HSDL1: variants seen among roughly 807,000 people sequenced by gnomAD.
HSDL1 encodes inactive hydroxysteroid dehydrogenase-like protein 1.
A neutral mutation model predicts 31.5 loss-of-function variants in HSDL1; 29 were observed. That is an observed-to-expected ratio of 0.92 (90% CI 0.69 to 1.26). HSDL1 has a LOEUF of 1.26. Ranked by LOEUF, HSDL1 falls within the 50% of genes most tolerant of loss-of-function variation. HSDL1 has a pLI of 0.00. For missense variants in HSDL1, 503 were observed against 416.6 expected (o/e 1.21, Z -1.81); for synonymous variants, 222 against 155.2 (o/e 1.43, Z -3.20).
intron 2 of HSDL1, among the ~76,000 whole-genome samples, chr16:84,131,773 G>C: frequency 6.6e-6 from 1 of 152,044 alleles, no homozygotes; most frequent in East Asian, 1.9e-4. Flanking sequence ...CCGCCCCCTG[G>C]GGTTCACGCC....
intron 2 of HSDL1, among the ~76,000 whole-genome samples, chr16:84,132,455 C>T (rs1198345739): frequency 6.6e-6 from 1 of 152,208 alleles, no homozygotes; most frequent in African/African-American, 2.4e-5. Flanking sequence ...GAGCACTCCT[C>T]CATCTTCTAA....
intron 2 of HSDL1, among the ~76,000 whole-genome samples, chr16:84,134,159 G>A (rs780047048): frequency 1.3e-5 from 2 of 152,038 alleles, no homozygotes; most frequent in Non-Finnish European, 2.9e-5. Flanking sequence ...TTCCAGATCT[G>A]CATGAGAGGA....
rs778964962 is a variant in HSDL1 at position 84,129,517 on chromosome 16, T to C, written c.894+31A>G. ...CTGAGATAGGTTCATGATGCATTAATCTAATTATGAGACCTGAAGCACACT... is the reference window on the plus strand; with the variant it reads ...CTGAGATAGGTTCATGATGCATTAACCTAATTATGAGACCTGAAGCACACT... On this transcript the variant is annotated intron_variant, in intron 5 of 5. Transcript: ENST00000219439. 1.2e-5 allele frequency: 18 copies of C among 1,459,490 alleles called. No homozygotes were observed. In the Admixed American group the frequency reaches 2.7e-4, roughly 22 times the overall value. The allele number at this position is 1,459,490 out of a possible 1,614,324, so 90.4% of individuals were successfully genotyped here. A position where few individuals can be genotyped will look rare whatever the true frequency, so the allele number is the denominator to read the frequency against.
At chr16:84,129,008 C>G (rs2086635443) in intron 5 of HSDL1, among the ~76,000 whole-genome samples, 1 of 152,060 alleles carries the variant, frequency 6.6e-6, no homozygotes, top group Non-Finnish European at 1.5e-5. Context: ...ACACCCCAGC[C>G]AAAGTAGTAT....
chr16:84,124,911 C>CAT (rs1194555099), intron 5 of HSDL1, 183 bp from the exon 6 acceptor site: 7 of 448,444 alleles, frequency 1.6e-5, no homozygotes, highest in Admixed American at 7.5e-5. Context: ...CCACCAATCA[C>CAT]AACAAATACC....
intron 2 of HSDL1, among the ~76,000 whole-genome samples, chr16:84,134,006 C>T (rs1215909294): frequency 1.3e-5 from 2 of 152,174 alleles, no homozygotes; most frequent in East Asian, 3.8e-4. Context: ...TCTAGTTCAA[C>T]AAAGTCTTTC....
chr16:84,134,815 T>G (rs2086698124), intron 2 of HSDL1, among the ~76,000 whole-genome samples: 1 of 152,052 alleles, frequency 6.6e-6, no homozygotes, highest in African/African-American at 2.4e-5. Flanking sequence ...TCAAGCAAAA[T>G]GTAATAAAAT....
At chr16:84,126,823 G>C (rs1182790759) in intron 5 of HSDL1, among the ~76,000 whole-genome samples, 1 of 151,988 alleles carries the variant, frequency 6.6e-6, no homozygotes, top group African/African-American at 2.4e-5. Flanking sequence ...AAACAGCAAA[G>C]GATGAATCAA....
chr16:84,134,175 C>T (rs779270215), intron 2 of HSDL1, among the ~76,000 whole-genome samples: 27 of 152,056 alleles, frequency 1.8e-4, no homozygotes, highest in Admixed American at 6.6e-4. Flanking sequence ...GAGGAAGCCG[C>T]GCCACCACCC....
In HSDL1 at chr16:84,131,315, C is replaced by T. The variant is rs756448806; in HGVS notation, c.7G>A (p.Ala3Thr). ...TACAAGAGGTAGAAACTGTCAACAG[C>T]AGCCATGGCAACCTGCAGGGAGAGG... is the stretch of plus-strand genomic sequence containing the variant. Reference protein sequence around the residue: MAAVDSFYLLYRE... With the variant: MATVDSFYLLYRE... The change falls in exon 3 of 6, where the codon GCT (alanine) becomes ACT (threonine). Residue 3 changes from alanine (A) to threonine (T), a missense_variant. Ala to Thr is a moderately conservative substitution (Grantham distance 58). Coordinates refer to ENST00000219439, the MANE Select transcript of HSDL1 (RefSeq NM_031463.5). 1 of 1,612,704 alleles carries T rather than the reference C, an allele frequency of 6.2e-7. No homozygotes were observed. The highest frequency in any genetic ancestry group is 1.7e-5 in the Admixed American group (1 of 60,026).
At chr16:84,126,810 A>C (rs1309522568) in intron 5 of HSDL1, among the ~76,000 whole-genome samples, 1 of 152,238 alleles carries the variant, frequency 6.6e-6, no homozygotes, top group Non-Finnish European at 1.5e-5. Flanking sequence ...TATGCCATGG[A>C]CAAAACAGCA....
intron 1 of HSDL1, among the ~76,000 whole-genome samples, chr16:84,138,784 G>A (rs957522982): frequency 6.6e-6 from 1 of 152,150 alleles, no homozygotes; most frequent in South Asian, 2.1e-4. Context: ...CTACAGGGCA[G>A]GAGTCATCAA....
intron 2 of HSDL1, among the ~76,000 whole-genome samples, chr16:84,132,002 A>G (rs1411136471): frequency 6.6e-6 from 1 of 152,182 alleles, no homozygotes; most frequent in African/African-American, 2.4e-5. Flanking sequence ...TTATGATCTC[A>G]CCATTTAACA....
rs1390599000 is a variant in HSDL1 at position 84,129,427 on chromosome 16, T to C, written c.894+121A>G. 7 of 738,564 alleles carry C rather than the reference T, an allele frequency of 9.5e-6. No homozygotes were observed. In the East Asian group the frequency reaches 1.6e-4, roughly 17 times the overall value. The allele number at this position is 738,564 out of a possible 1,614,324, so 45.8% of individuals were successfully genotyped here. Reference sequence around the variant, plus strand: ...TAGTGTCTTAACCAAAATTATTAAGTGTCAGGCTTAAGAGTCAGAATTTAC... The same window carrying C: ...TAGTGTCTTAACCAAAATTATTAAGCGTCAGGCTTAAGAGTCAGAATTTAC... On this transcript the variant is annotated intron_variant, in intron 5 of 5. Coordinates refer to ENST00000219439, the MANE Select transcript of HSDL1 (RefSeq NM_031463.5).
intron 2 of HSDL1, 23 bp from the exon 3 acceptor site, chr16:84,131,350 A>C (rs1484351126): frequency 1.0e-5 from 15 of 1,501,554 alleles, no homozygotes; most frequent in Non-Finnish European, 1.3e-5. Context: ...GGAAAGAGAG[A>C]GAGCCTCTTT....
At chr16:84,125,493 C>A (rs576035482) in intron 5 of HSDL1, among the ~76,000 whole-genome samples, 1 of 145,314 alleles carries the variant, frequency 6.9e-6, no homozygotes, top group African/African-American at 2.6e-5. Flanking sequence ...CCAATCGATC[C>A]CAACAAATAC....
chr16:84,133,665 G>T (rs139753164), intron 2 of HSDL1, among the ~76,000 whole-genome samples: 5 of 152,182 alleles, frequency 3.3e-5, no homozygotes, highest in African/African-American at 1.2e-4. Flanking sequence ...GGAGGAGGAA[G>T]TTACAGTGAG....
Position 84,131,289 on chromosome 16 carries a change from G to A in HSDL1, c.33C>T (p.Tyr11=). 2.5e-6 allele frequency: 4 copies of A among 1,614,080 alleles called. No homozygotes were observed. The highest frequency in any genetic ancestry group is 3.3e-5 in the Admixed American group (2 of 60,010). Reference sequence around the variant, plus strand: ...AATTGCAAGACCTGGCGATTTCCCTGTACAAGAGGTAGAAACTGTCAACAG... The same window carrying A: ...AATTGCAAGACCTGGCGATTTCCCTATACAAGAGGTAGAAACTGTCAACAG... MAAVDSFYLL[Y]REIARSCNCY... is the part of the protein sequence containing the mutation. Residue 11 remains tyrosine (Y), a synonymous_variant, in exon 3 of 6, where the codon TAC becomes TAT. Transcript: ENST00000219439.
intron 5 of HSDL1, among the ~76,000 whole-genome samples, chr16:84,127,912 G>A (rs974512435): frequency 6.6e-6 from 1 of 150,612 alleles, no homozygotes; most frequent in Non-Finnish European, 1.5e-5. Flanking sequence ...ATAGAGACGG[G>A]GTTTCACGGT....
Sources: gnomAD v4.1 joint callset for allele counts (sites outside exome capture counted in the v4.1 genomes callset) on GRCh38, gnomAD v4.1.1 for gene constraint, MANE v1.5 for transcripts, NCBI Gene and HGNC (gene_info 2026-07-23, HGNC 2026-07-21) for gene names.